The following AGGF1 variants were observed in gnomAD, a reference collection of about 807,000 sequenced individuals.
The protein encoded by AGGF1 is angiogenic factor with G-patch and FHA domains 1, also known as angiogenic factor with G patch and FHA domains 1.
In AGGF1, 56 loss-of-function variants were observed where a neutral mutation model predicts 86.5. That is an observed-to-expected ratio of 0.65 (90% confidence interval 0.52 to 0.81). AGGF1 has a LOEUF of 0.81. Among genes scored for constraint, AGGF1 ranks in the 30% least tolerant of loss-of-function variants. The probability of loss-of-function intolerance (pLI) is 0.00; values close to 1 mark genes in which losing one functional copy is unlikely to be tolerated. For synonymous variants in AGGF1, 313 were observed against 297.1 expected (o/e 1.05, Z -0.55); for missense variants, 816 against 850.9 (o/e 0.96, Z 0.51).
intron 1 of AGGF1, among the ~76,000 whole-genome samples, chr5:77,032,224 T>C (rs1180573867): frequency 1.0e-5 from 1 of 100,428 alleles, no homozygotes; most frequent in Non-Finnish European, 1.9e-5. Flanking sequence ...CGGTGTGTAA[T>C]AACTATGCTA....
At position 77,046,680 on chromosome 5, in the gene AGGF1, G is replaced by A. The variant is rs747475055; in HGVS notation, c.1201+3G>A. The A allele has an allele frequency of 4.3e-6, 7 of 1,612,954 alleles. No individual in the cohort carries two copies. Among genetic ancestry groups the A allele is most frequent in the Non-Finnish European group, 5.9e-6 (7 of 1,179,158 alleles). ...TGCAGAAGATAGTGAGGATGAAGGTGAGTAAATAATCATTATTTAAGTAAA... is the reference window on the plus strand; with the variant it reads ...TGCAGAAGATAGTGAGGATGAAGGTAAGTAAATAATCATTATTTAAGTAAA... On this transcript the variant is annotated splice_donor_region_variant and intron_variant, in intron 6 of 13. Transcript: ENST00000312916.
rs1232189606 is a variant in AGGF1, at chr5:77,048,943, G to A, written c.1321G>A (p.Asp441Asn). 6 of 1,613,520 alleles carry A rather than the reference G, an allele frequency of 3.7e-6. No individual in the cohort carries two copies. The highest frequency in any genetic ancestry group is 4.2e-6 in the Non-Finnish European group (5 of 1,179,828). Reference protein sequence around the residue: ...VNPATIGREKDMEHTLRIPEV... With the variant: ...VNPATIGREKNMEHTLRIPEV... ...CTTTACTTAACTCTGCAGAGAAAAG[G>A]ATATGGAACATACTCTCCGAATCCC... The change falls in exon 8 of 14, where the codon GAT becomes AAT. Residue 441 changes from aspartate (D) to asparagine (N), a missense_variant. By Grantham distance (23) the Asp-to-Asn change is conservative. Transcript: ENST00000312916.
intron 5 of AGGF1, among the ~76,000 whole-genome samples, chr5:77,042,828 C>A (rs1404824657): frequency 1.2e-4 from 8 of 66,386 alleles, no homozygotes; most frequent in African/African-American, 3.1e-4. Context: ...CCCCACCTCC[C>A]TCCCGGGCGG....
chr5:77,056,435 C>G (rs1258335507), intron 11 of AGGF1, among the ~76,000 whole-genome samples: 1 of 151,670 alleles, frequency 6.6e-6, no homozygotes, highest in African/African-American at 2.4e-5. Context: ...ACAGCGTTGG[C>G]CAGGCTGGTC....
chr5:77,054,281 C>G, intron 10 of AGGF1, 151 bp downstream of exon 10: 1 of 921,126 alleles, frequency 1.1e-6, no homozygotes, highest in Non-Finnish European at 1.7e-6. Flanking sequence ...GTCTTGTATC[C>G]AGTTGATCTA....
At chr5:77,041,812 T>A (rs1242049676) in intron 5 of AGGF1, among the ~76,000 whole-genome samples, 1 of 148,364 alleles carries the variant, frequency 6.7e-6, no homozygotes, top group East Asian at 2.0e-4. Context: ...TTTATTTATT[T>A]ATTTTTAATT....
Position 77,030,574 on chromosome 5 carries a change from C to T in AGGF1, c.-193C>T, listed in dbSNP as rs1483630445. On this transcript the variant is annotated 5_prime_UTR_variant, in exon 1 of 14. Transcript: ENST00000312916. The stretch of plus-strand genomic sequence containing the variant: ...TCGGGCAGGGGCCATCCTCGGTCCC[C>T]TTGCTCGTTGCTCGCAGCCCCGTTC... 4.1e-6 allele frequency: 3 copies of T among 735,328 alleles called. No homozygotes were observed. The highest frequency in any genetic ancestry group is 7.2e-6 in the Non-Finnish European group (3 of 417,708). The allele number at this position is 735,328 out of a possible 1,614,324, so 45.6% of individuals were successfully genotyped here.
chr5:77,061,604 T>C (rs1212606668), intron 12 of AGGF1, 99 bp from the exon 13 acceptor site: 1 of 1,222,290 alleles, frequency 8.2e-7, no homozygotes, highest in African/African-American at 1.5e-5. Flanking sequence ...AGCGGTTTTC[T>C]AAAGTAGTTG....
intron 5 of AGGF1, among the ~76,000 whole-genome samples, chr5:77,043,528 C>G (rs1373420599): frequency 0.015 from 1,070 of 71,170 alleles, no homozygotes; most frequent in Non-Finnish European, 0.019. Flanking sequence ...GCTGGCCGGG[C>G]GGGGGGCTGA....
intron 1 of AGGF1, among the ~76,000 whole-genome samples, chr5:77,031,373 C>T (rs935804259): frequency 6.6e-5 from 10 of 152,136 alleles, no homozygotes; most frequent in African/African-American, 2.4e-4. Context: ...CTCAGTTCCC[C>T]ATTAAATGAG....
Position 77,030,741 on chromosome 5 carries a change from C to G in AGGF1, c.-26C>G. Reference sequence around the variant, plus strand: ...CGGCCTGAACGCAGCCCCTCCGCGGCGACGAGCAGTCTCGCGCCGGAGCTC... The same window carrying G: ...CGGCCTGAACGCAGCCCCTCCGCGGGGACGAGCAGTCTCGCGCCGGAGCTC... On this transcript the variant is annotated 5_prime_UTR_variant, in exon 1 of 14. Transcript: ENST00000312916. The G allele has an allele frequency of 6.4e-7, 1 of 1,551,190 alleles. No homozygotes were observed. Among genetic ancestry groups the G allele is most frequent in the Non-Finnish European group, 8.7e-7 (1 of 1,155,208 alleles).
rs376365457 is a variant in AGGF1, at chr5:77,030,818, C to G, written c.52C>G (p.Pro18Ala). Residue 18 changes from proline to alanine, a missense_variant, in exon 1 of 14, where the codon CCC becomes GCC. By Grantham distance (27) the Pro-to-Ala change is conservative (BLOSUM62 -1). Coordinates refer to ENST00000312916, the MANE Select transcript of AGGF1 (RefSeq NM_018046.5). ...GCGGTCGCCGCCGCCGCCCACCTCC[C>G]CCGAGCCTGAGCTGGCCCAGCTAAG... ...PPRSPPPPTS[P>A]EPELAQLRRK... 9 of 1,608,298 alleles carry G rather than the reference C, an allele frequency of 5.6e-6. No homozygotes were observed. The highest frequency in any genetic ancestry group is 7.6e-6 in the Non-Finnish European group (9 of 1,179,166).
chr5:77,052,761 A>G lies in AGGF1; in HGVS notation c.1421A>G (p.Gln474Arg). ...TTACAAAGTTATGTCCTTGTGGATC[A>G]AGGCAGTCAAAATGGCACAATTGTT... ...HDLQSYVLVD[Q>R]GSQNGTIVNG... Residue 474 changes from glutamine (Q) to arginine (R), a missense_variant, in exon 9 of 14, where the codon CAA becomes CGA. Physicochemically the swap from Gln to Arg is conservative, Grantham distance 43 (BLOSUM62 1). This residue lies in a region of AGGF1 where 565 missense variants were observed against 585.8 expected (regional missense o/e 0.96). Transcript: ENST00000312916. 1 of 1,613,868 alleles carries G rather than the reference A, an allele frequency of 6.2e-7. No individual in the cohort carries two copies.
chr5:77,043,594 C>A lies in AGGF1; in HGVS notation c.871-2753C>A, dbSNP rs1424221489. 9.1e-5 allele frequency among the ~76,000 whole-genome samples: 9 copies of A among 99,136 alleles called. No individual in the cohort carries two copies. The East Asian group carries it at 3.3e-3, about 36-fold the overall frequency. The allele number at this position is 99,136 out of a possible 152,430, so 65.0% of individuals were successfully genotyped here. On this transcript the variant is annotated intron_variant, in intron 5 of 13. Transcript: ENST00000312916. ...TGGCCAGGCGGGGGGCTGACCCCCC[C>A]CCCCCCGGATGGCACGGCTGGCCGG...
intron 1 of AGGF1, among the ~76,000 whole-genome samples, chr5:77,032,563 CAAA>C (rs4025997): frequency 1.7e-3 from 163 of 94,186 alleles, no homozygotes; most frequent in African/African-American, 6.7e-3. Context: ...GACTCCGTCT[CAAA>C]AAAAAAAAAA....
intron 4 of AGGF1, among the ~76,000 whole-genome samples, chr5:77,039,264 A>G (rs910717226): frequency 1.3e-5 from 2 of 152,122 alleles, no homozygotes; most frequent in Non-Finnish European, 2.9e-5. Flanking sequence ...TATAAGTTAA[A>G]AGTGGTCAAG....
chr5:77,031,331 A>C (rs1180191347), intron 1 of AGGF1, among the ~76,000 whole-genome samples: 2 of 152,224 alleles, frequency 1.3e-5, no homozygotes, highest in Admixed American at 1.3e-4. Flanking sequence ...CATCTCTGCT[A>C]TTCACTGGGT....
rs1747612159 is a variant in AGGF1 at position 77,063,740 on chromosome 5, G to C, written c.*488G>C. On this transcript the variant is annotated 3_prime_UTR_variant, in exon 14 of 14. Coordinates refer to ENST00000312916, the MANE Select transcript of AGGF1 (RefSeq NM_018046.5). ...ACATGGGTAGTGGCGCATACATTTT[G>C]TTATCCTTGAAATAGCCTAAGTAAT... The C allele has an allele frequency of 6.1e-6, 1 of 163,298 alleles. No homozygotes were observed. Among genetic ancestry groups the C allele is most frequent in the Middle Eastern group, 3.1e-3 (1 of 322 alleles). The allele number at this position is 163,298 out of a possible 1,614,324, so 10.1% of individuals were successfully genotyped here.
chr5:77,061,737 T>A lies in AGGF1; in HGVS notation c.1879T>A (p.Leu627Met). 1 of 1,613,892 alleles carries A rather than the reference T, an allele frequency of 6.2e-7. No individual in the cohort carries two copies. The highest frequency in any genetic ancestry group is 8.5e-7 in the Non-Finnish European group (1 of 1,179,836). ...ITDSNKGRKM[L>M]EKMGWKKGEG... ...TGATAGCAACAAAGGTCGGAAGATG[T>A]TGGAGAAGATGGGTTGGAAGAAAGG... Residue 627 changes from leucine (L) to methionine (M), a missense_variant, in exon 13 of 14, where the codon TTG becomes ATG. Transcript: ENST00000312916.
Sources: allele counts gnomAD v4.1 joint callset (sites outside exome capture counted in the v4.1 genomes callset), GRCh38; gene constraint gnomAD v4.1.1; regional missense constraint gnomAD v4.1.1; transcripts MANE v1.5; gene names NCBI Gene and HGNC (gene_info 2026-07-23, HGNC 2026-07-21).